CLHC1: variants seen among roughly 807,000 people sequenced by gnomAD.
CLHC1 encodes the protein clathrin heavy chain linker domain containing 1.
A neutral mutation model predicts 69.5 loss-of-function variants in CLHC1; 72 were observed. That is an observed-to-expected ratio of 1.04 (90% CI 0.86 to 1.26). The LOEUF is 1.26. Ranked by LOEUF, CLHC1 falls within the 50% of genes most tolerant of loss-of-function variation. The pLI is 0.00. For synonymous variants in CLHC1, 223 were observed against 224.3 expected (o/e 0.99, Z 0.05); for missense variants, 790 against 679.3 (o/e 1.16, Z -1.81).
rs2103619366 is a variant in CLHC1 at position 55,174,593 on chromosome 2, C to T, written c.*1197G>A. On this transcript the variant is annotated 3_prime_UTR_variant, in exon 13 of 13. Transcript: ENST00000401408. ...CTCACAACAAGCCTAAGGAAGACTG[C>T]CCATATTTTATAAGTGAGTAAGAGG... Among the ~76,000 whole-genome samples the T allele has an allele frequency of 6.6e-6, 1 of 152,192 alleles. No homozygotes were observed. Among genetic ancestry groups the T allele is most frequent in the Non-Finnish European group, 1.5e-5 (1 of 68,002 alleles).
At chr2:55,197,280 G>C (rs1324587151) in intron 9 of CLHC1, among the ~76,000 whole-genome samples, 1 of 152,174 alleles carries the variant, frequency 6.6e-6, no homozygotes, top group East Asian at 1.9e-4. Flanking sequence ...TCACTACCAT[G>C]AAGGAAAAAA....
At chr2:55,201,660 T>C (rs187533407) in intron 9 of CLHC1, among the ~76,000 whole-genome samples, 3 of 152,264 alleles carry the variant, frequency 2.0e-5, no homozygotes, top group South Asian at 4.1e-4. Context: ...TCTAAACTCA[T>C]TCTACAAGTC....
intron 11 of CLHC1, among the ~76,000 whole-genome samples, 160 bp from the exon 12 acceptor site, chr2:55,177,941 C>T (rs1300396680): frequency 8.3e-6 from 1 of 121,006 alleles, no homozygotes; most frequent in Non-Finnish European, 1.9e-5. Flanking sequence ...GTACTATCCC[C>T]TAGCCCCCGT....
chr2:55,191,076 T>C (rs1670881899), intron 9 of CLHC1, among the ~76,000 whole-genome samples: 1 of 152,132 alleles, frequency 6.6e-6, no homozygotes, highest in Non-Finnish European at 1.5e-5. Context: ...AACAAAATCC[T>C]TTAACTACAG....
chr2:55,194,857 G>C (rs1671250950), intron 9 of CLHC1, among the ~76,000 whole-genome samples: 1 of 152,042 alleles, frequency 6.6e-6, no homozygotes, highest in African/African-American at 2.4e-5. Context: ...TTACCTCTGT[G>C]TGTGTGTGTG....
At chr2:55,226,724 T>C (rs1360216461) in intron 2 of CLHC1, among the ~76,000 whole-genome samples, 2 of 152,240 alleles carry the variant, frequency 1.3e-5, no homozygotes, top group Non-Finnish European at 2.9e-5. Context: ...CTTCACTTTC[T>C]GAATTCAAGT....
chr2:55,220,273 C>G (rs1356092842), intron 3 of CLHC1, among the ~76,000 whole-genome samples: 1 of 152,164 alleles, frequency 6.6e-6, no homozygotes, highest in East Asian at 1.9e-4. Flanking sequence ...CTTTTATCTT[C>G]TGCCCAACTA....
intron 8 of CLHC1, among the ~76,000 whole-genome samples, chr2:55,208,232 T>C (rs1390508661): frequency 2.0e-5 from 3 of 152,232 alleles, no homozygotes; most frequent in Non-Finnish European, 4.4e-5. Context: ...TTGGAATATA[T>C]GCATGTACAT....
At chr2:55,207,054 G>T (rs1041373490) in intron 8 of CLHC1, 1 of 152,116 alleles carries the variant, frequency 6.6e-6, no homozygotes, top group African/African-American at 2.4e-5. Context: ...GGCAGAGGTT[G>T]CAGTGAGCCA....
intron 2 of CLHC1, chr2:55,225,592 C>T (rs1573790511): frequency 6.6e-6 from 1 of 152,510 alleles, no homozygotes; most frequent in East Asian, 1.9e-4. Context: ...GACCCCAAGT[C>T]AGGAATGCTG....
intron 4 of CLHC1, among the ~76,000 whole-genome samples, chr2:55,216,594 G>A (rs1410637459): frequency 6.6e-6 from 1 of 151,722 alleles, no homozygotes; most frequent in Non-Finnish European, 1.5e-5. Flanking sequence ...GGAGTGCAGT[G>A]GCGCAATCAT....
rs542485597 is a variant in CLHC1 at position 55,222,362 on chromosome 2, C to CA, written c.49dup (p.Cys17LeufsTer2). The CA allele has an allele frequency of 2.5e-5, 40 of 1,613,876 alleles. No homozygotes were observed. In the African/African-American group the frequency reaches 5.1e-4, roughly 20 times the overall value. ...TTCCAAAAATTCCTTGTCACTTCTA[C>CA]AAATGATAGGTGGGAGAACTGCATG... On this transcript the variant is annotated frameshift_variant, in exon 3 of 13. Coordinates refer to ENST00000401408, the MANE Select transcript of CLHC1 (RefSeq NM_152385.4). LOFTEE classifies it high-confidence loss of function.
In CLHC1 at chr2:55,199,368, G is replaced by A. The variant is rs60899865; in HGVS notation, c.1006+6902C>T. ...CAATCAGAAAGAAAAGGATATTAAC[G>A]AACAATAAGAAATTAAAGGTACAAA... On this transcript the variant is annotated intron_variant, in intron 9 of 12. Transcript: ENST00000401408. 1.7e-3 allele frequency among the ~76,000 whole-genome samples: 242 copies of A among 145,486 alleles called. 1 individual carries two copies. Among genetic ancestry groups the A allele is most frequent in the African/African-American group, 5.7e-3 (224 of 39,430 alleles).
At chr2:55,205,722 G>C (rs1443902984) in intron 9 of CLHC1, 2 of 152,238 alleles carry the variant, frequency 1.3e-5, no homozygotes, top group African/African-American at 2.4e-5. Context: ...GGGAAACCCT[G>C]TCTCAACTAA....
chr2:55,201,455 C>G (rs1475949797), intron 9 of CLHC1, among the ~76,000 whole-genome samples: 1 of 152,008 alleles, frequency 6.6e-6, no homozygotes, highest in African/African-American at 2.4e-5. Flanking sequence ...TACAACCCAC[C>G]AATATTGAAC....
At chr2:55,177,027 C>T (rs1429012279) in intron 12 of CLHC1, among the ~76,000 whole-genome samples, 2 of 152,118 alleles carry the variant, frequency 1.3e-5, no homozygotes, top group East Asian at 3.9e-4. Context: ...GTGCATGCCA[C>T]ATGTGGCTAA....
intron 8 of CLHC1, among the ~76,000 whole-genome samples, chr2:55,208,217 A>G (rs1672627053): frequency 6.6e-6 from 1 of 152,206 alleles, no homozygotes. Context: ...AGATTTTTTC[A>G]TATTTTGGAA....
intron 9 of CLHC1, among the ~76,000 whole-genome samples, chr2:55,188,548 T>C (rs1670628394): frequency 6.6e-6 from 1 of 152,180 alleles, no homozygotes; most frequent in African/African-American, 2.4e-5. Context: ...GTTATTATCT[T>C]CAAAAGCTGA....
intron 7 of CLHC1, among the ~76,000 whole-genome samples, chr2:55,209,188 T>G (rs1205557532): frequency 2.0e-5 from 3 of 152,102 alleles, no homozygotes; most frequent in African/African-American, 7.2e-5. Flanking sequence ...TTTATTTTGA[T>G]GTACATTTTC....
Sources: allele counts gnomAD v4.1 joint callset (sites outside exome capture counted in the v4.1 genomes callset), GRCh38; gene constraint gnomAD v4.1.1; transcripts MANE v1.5; gene names NCBI Gene and HGNC (gene_info 2026-07-23, HGNC 2026-07-21).